MALRD1: variants seen among roughly 807,000 people sequenced by gnomAD.
MALRD1 encodes the protein MAM and LDL-receptor class A domain-containing protein 1.
In MALRD1, 247 loss-of-function variants were observed where a neutral mutation model predicts 242.1. That is an observed-to-expected ratio of 1.02 (90% CI 0.92 to 1.13). The LOEUF is 1.13. Ranked by LOEUF, MALRD1 falls within the 50% of genes most tolerant of loss-of-function variation. The pLI is 0.00. For missense variants in MALRD1, 2,989 were observed against 2,533.1 expected (o/e 1.18, Z -3.86); for synonymous variants, 995 against 866.6 (o/e 1.15, Z -2.60).
At chr10:19,294,933 A>G (rs1373817988) in intron 21 of MALRD1, among the ~76,000 whole-genome samples, 2 of 152,112 alleles carry the variant, frequency 1.3e-5, no homozygotes, top group Non-Finnish European at 2.9e-5. Context: ...ATAAATATGC[A>G]TTTATATTGA....
chr10:19,395,606 G>A (rs1232186441), intron 28 of MALRD1, among the ~76,000 whole-genome samples: 1 of 152,116 alleles, frequency 6.6e-6, no homozygotes, highest in Admixed American at 6.5e-5. Context: ...TTTCCCTTTA[G>A]CTAAGTGATT....
intron 14 of MALRD1, among the ~76,000 whole-genome samples, chr10:19,179,533 C>T (rs1344777763): frequency 6.6e-6 from 1 of 151,962 alleles, no homozygotes; most frequent in Non-Finnish European, 1.5e-5. Context: ...ACCTGTAATC[C>T]CAGCTACTCA....
At chr10:19,479,533 T>G (rs777862629) in intron 29 of MALRD1, among the ~76,000 whole-genome samples, 2 of 152,186 alleles carry the variant, frequency 1.3e-5, no homozygotes, top group Non-Finnish European at 2.9e-5. Context: ...AGTACCTGCT[T>G]CACGAAGCTG....
chr10:19,121,051 T>TG (rs1837043532), intron 5 of MALRD1, among the ~76,000 whole-genome samples: 1 of 143,198 alleles, frequency 7.0e-6, no homozygotes, highest in Non-Finnish European at 1.5e-5. Context: ...GCCTTTTTTT[T>TG]TTTTTTTTTT....
At chr10:19,227,210 A>T (rs552743905) in intron 18 of MALRD1, among the ~76,000 whole-genome samples, 43 of 152,146 alleles carry the variant, frequency 2.8e-4, no homozygotes, top group African/African-American at 9.1e-4. Context: ...TAGAAAGAAT[A>T]AAGTTGGAAA....
intron 21 of MALRD1, among the ~76,000 whole-genome samples, chr10:19,296,712 A>G (rs766997990): frequency 3.9e-5 from 6 of 152,038 alleles, no homozygotes; most frequent in Non-Finnish European, 5.9e-5. Context: ...GAATTGACAT[A>G]TATGAGTATT....
At chr10:19,304,669 T>C (rs1842093441) in intron 21 of MALRD1, among the ~76,000 whole-genome samples, 1 of 151,798 alleles carries the variant, frequency 6.6e-6, no homozygotes, top group Admixed American at 6.6e-5. Context: ...TTGATTTGTG[T>C]TTGAAAAATG....
At chr10:19,587,352 G>C (rs1193673759) in intron 33 of MALRD1, among the ~76,000 whole-genome samples, 2 of 152,160 alleles carry the variant, frequency 1.3e-5, no homozygotes, top group African/African-American at 4.8e-5. Context: ...CATTTTTACT[G>C]TCTATATCAC....
At chr10:19,229,407 G>C (rs1415722249) in intron 18 of MALRD1, among the ~76,000 whole-genome samples, 2 of 152,134 alleles carry the variant, frequency 1.3e-5, no homozygotes, top group East Asian at 3.9e-4. Context: ...AGGCTTCTGT[G>C]AGTTCCATTT....
chr10:19,051,400 G>A (rs191769984), intron 1 of MALRD1: 1 of 152,624 alleles, frequency 6.6e-6, no homozygotes, highest in Non-Finnish European at 1.5e-5. Flanking sequence ...AATTTCTGAT[G>A]CCTCAGGTGC....
At chr10:19,302,497 G>A (rs1172477114) in intron 21 of MALRD1, among the ~76,000 whole-genome samples, 4 of 151,776 alleles carry the variant, frequency 2.6e-5, no homozygotes, top group Non-Finnish European at 5.9e-5. Context: ...ATGGATGAAC[G>A]TTGAGAACAT....
intron 4 of MALRD1, among the ~76,000 whole-genome samples, chr10:19,099,102 A>T (rs542145680): frequency 4.6e-5 from 7 of 152,258 alleles, no homozygotes; most frequent in East Asian, 1.9e-4. Context: ...AAAAGGGAAG[A>T]CGGAGCTTCT....
chr10:19,730,541 A>C, intron 38 of MALRD1, 165 bp from the exon 39 acceptor site: 2 of 773,832 alleles, frequency 2.6e-6, no homozygotes, highest in South Asian at 3.0e-5. Context: ...TCCTGCAAAA[A>C]ATAAAAAATA....
intron 2 of MALRD1, among the ~76,000 whole-genome samples, chr10:19,079,836 G>C (rs886992493): frequency 6.6e-6 from 1 of 151,952 alleles, no homozygotes; most frequent in Non-Finnish European, 1.5e-5. Context: ...AATTATCTTT[G>C]TTTGCAGCGG....
At chr10:19,363,559 G>C (rs1844986956) in intron 26 of MALRD1, among the ~76,000 whole-genome samples, 1 of 152,124 alleles carries the variant, frequency 6.6e-6, no homozygotes, top group East Asian at 1.9e-4. Flanking sequence ...CCTCAACCTT[G>C]AAATCCCTTG....
In MALRD1 at chr10:19,391,948, C is replaced by A. The variant is rs967709026; in HGVS notation, c.4845+2339C>A. 2.6e-5 allele frequency among the ~76,000 whole-genome samples: 4 copies of A among 152,280 alleles called. No homozygotes were observed. In the South Asian group the frequency reaches 8.3e-4, roughly 32 times the overall value. On this transcript the variant is annotated intron_variant, in intron 28 of 39. Coordinates refer to ENST00000454679, the MANE Select transcript of MALRD1 (RefSeq NM_001142308.3). ...CAACCCTTATTTAGGACAACCCTTG[C>A]GAAGGGATGGCCATTGTGCATTACA...
intron 31 of MALRD1, among the ~76,000 whole-genome samples, chr10:19,510,136 C>G (rs771153350): frequency 1.3e-5 from 2 of 152,170 alleles, no homozygotes; most frequent in African/African-American, 4.8e-5. Context: ...TGTGCACGTA[C>G]GTAAACATCT....
In MALRD1 at chr10:19,436,500, A is replaced by C. The variant is rs1422630457; in HGVS notation, c.4846-13807A>C. 2.0e-5 allele frequency among the ~76,000 whole-genome samples: 3 copies of C among 152,102 alleles called. No homozygotes were observed. The East Asian group carries it at 5.8e-4, about 29-fold the overall frequency. On this transcript the variant is annotated intron_variant, in intron 28 of 39. Transcript: ENST00000454679. ...GGTTCCATCCCCTAACCATTTAATT[A>C]GTCATTTAATTTTTGTAGACATGGA...
chr10:19,069,384 A>T (rs1835073587), intron 2 of MALRD1, among the ~76,000 whole-genome samples: 1 of 151,998 alleles, frequency 6.6e-6, no homozygotes, highest in Admixed American at 6.6e-5. Context: ...ATCTTTATAT[A>T]TTATAAGCCC....
Sources: allele counts gnomAD v4.1 joint callset (sites outside exome capture counted in the v4.1 genomes callset), GRCh38; gene constraint gnomAD v4.1.1; transcripts MANE v1.5; gene names NCBI Gene and HGNC (gene_info 2026-07-23, HGNC 2026-07-21).